Variants in SAMD5 observed in about 807,000 individuals in gnomAD.
The protein encoded by SAMD5 is sterile alpha motif domain-containing protein 5.
SAMD5 carries 13 observed loss-of-function variants against 11.3 expected under a neutral mutation model. That is an observed-to-expected ratio of 1.15 (90% CI 0.75 to 1.83). The LOEUF (loss-of-function observed/expected upper bound fraction) is 1.83, where lower values mean the gene tolerates loss of function less well. Ranked by LOEUF, SAMD5 falls within the 40% of genes most tolerant of loss-of-function variation. The probability of loss-of-function intolerance (pLI) is 0.00; values close to 1 mark genes in which losing one functional copy is unlikely to be tolerated. For missense variants in SAMD5, 255 were observed against 239.1 expected (o/e 1.07, Z -0.44); for synonymous variants, 129 against 111.3 (o/e 1.16, Z -1.00).
At chr6:147,668,889 A>G (rs930221538) in intron 1 of SAMD5, among the ~76,000 whole-genome samples, 5 of 152,214 alleles carry the variant, frequency 3.3e-5, no homozygotes, top group African/African-American at 1.2e-4. Flanking sequence ...TAAGTGTGCA[A>G]TAGCATTTTG....
the SAMD5 span, among the ~76,000 whole-genome samples, chr6:147,910,177 G>C: frequency 6.6e-6 from 1 of 152,000 alleles, no homozygotes; most frequent in Non-Finnish European, 1.5e-5. Flanking sequence ...TTTAGTGACA[G>C]ATATTCCCCT....
At chr6:147,697,184 A>T (rs1001482183) in intron 1 of SAMD5, among the ~76,000 whole-genome samples, 3 of 152,208 alleles carry the variant, frequency 2.0e-5, no homozygotes, top group African/African-American at 7.2e-5. Flanking sequence ...AATGACTGAG[A>T]TGACAACCAG....
chr6:147,518,317 CTT>C (rs1171468501), intron 1 of SAMD5, among the ~76,000 whole-genome samples: 4 of 152,128 alleles, frequency 2.6e-5, no homozygotes, highest in African/African-American at 9.7e-5. Flanking sequence ...CCTCCCCACT[CTT>C]GAGTGAATAA....
intron 1 of SAMD5, among the ~76,000 whole-genome samples, chr6:147,612,298 C>T (rs1319794320): frequency 6.6e-6 from 1 of 152,148 alleles, no homozygotes; most frequent in African/African-American, 2.4e-5. Context: ...TAAAGCATAA[C>T]CAGCCCAAAA....
chr6:147,688,123 C>G (rs1024076694), intron 1 of SAMD5, among the ~76,000 whole-genome samples: 2 of 151,628 alleles, frequency 1.3e-5, no homozygotes, highest in African/African-American at 4.8e-5. Context: ...CTCTTATTTC[C>G]TTTGTTTCTG....
the SAMD5 span, among the ~76,000 whole-genome samples, chr6:147,816,199 G>A: frequency 2.1e-5 from 3 of 143,742 alleles, no homozygotes. Flanking sequence ...ATAATCGCTT[G>A]AACCCAGGAG....
At chr6:147,833,709 T>G in the SAMD5 span, among the ~76,000 whole-genome samples, 1 of 152,232 alleles carries the variant, frequency 6.6e-6, no homozygotes, top group Non-Finnish European at 1.5e-5. Flanking sequence ...CATAATTTTT[T>G]CAATCAAGAA....
chr6:147,712,664 G>A (rs765949391), intron 1 of SAMD5, among the ~76,000 whole-genome samples: 1 of 152,094 alleles, frequency 6.6e-6, no homozygotes, highest in Non-Finnish European at 1.5e-5. Flanking sequence ...GAAAGGGAGG[G>A]ACATCTCCCT....
chr6:147,894,977 A>G, the SAMD5 span, among the ~76,000 whole-genome samples: 9 of 152,232 alleles, frequency 5.9e-5, no homozygotes, highest in African/African-American at 1.9e-4. Flanking sequence ...TGCTCAAGGC[A>G]AAGTGGAATT....
At chr6:147,830,646 C>G in the SAMD5 span, among the ~76,000 whole-genome samples, 1 of 152,120 alleles carries the variant, frequency 6.6e-6, no homozygotes, top group East Asian at 1.9e-4. Context: ...CTGCTTTCAT[C>G]TGCTCCTCTT....
chr6:147,859,638 A>G, the SAMD5 span, among the ~76,000 whole-genome samples: 1 of 152,242 alleles, frequency 6.6e-6, no homozygotes, highest in East Asian at 1.9e-4. Flanking sequence ...CTGTCCAACA[A>G]GAGAACCCAG....
At chr6:147,509,672 C>T (rs1397655837) in intron 1 of SAMD5, among the ~76,000 whole-genome samples, 1 of 152,174 alleles carries the variant, frequency 6.6e-6, no homozygotes. Flanking sequence ...GAATCGGACT[C>T]GCGCTGCTTC....
In SAMD5 at chr6:147,630,055, T is replaced by G. The variant is rs568460783; in HGVS notation, c.163-107262T>G. ...ACCTCCACCTCCCAGGTTCAAGCAA[T>G]TCTCCTTCCTCAGCCTCCCAAGTAG... On this transcript the variant is annotated intron_variant, in intron 1 of 1. Transcript: ENST00000566741. Among the ~76,000 whole-genome samples, 21 of 150,408 alleles carry G rather than the reference T, an allele frequency of 1.4e-4. No individual in the cohort carries two copies. The South Asian group carries it at 4.5e-3, about 33-fold the overall frequency.
the SAMD5 span, among the ~76,000 whole-genome samples, chr6:147,946,891 C>A: frequency 1.2e-4 from 19 of 152,250 alleles, 1 homozygote; most frequent in South Asian, 3.9e-3. Flanking sequence ...TCACAGTTAA[C>A]CTGAAATCAT....
At chr6:147,536,159 A>G (rs1379765783) in intron 1 of SAMD5, among the ~76,000 whole-genome samples, 1 of 151,904 alleles carries the variant, frequency 6.6e-6, no homozygotes, top group African/African-American at 2.4e-5. Context: ...GATTTTTTGT[A>G]TTTTTAGTGC....
chr6:147,690,071 C>A (rs1226794866), intron 1 of SAMD5, among the ~76,000 whole-genome samples: 1 of 151,960 alleles, frequency 6.6e-6, no homozygotes, highest in East Asian at 1.9e-4. Flanking sequence ...AAAAACAGTG[C>A]AATTTTGAAT....
chr6:147,804,119 T>A, the SAMD5 span, among the ~76,000 whole-genome samples: 1 of 150,894 alleles, frequency 6.6e-6, no homozygotes, highest in Non-Finnish European at 1.5e-5. Context: ...ATCTTTTTTT[T>A]TTTTTTTTTT....
At chr6:147,888,199 A>G in the SAMD5 span, among the ~76,000 whole-genome samples, 2 of 152,004 alleles carry the variant, frequency 1.3e-5, no homozygotes, top group African/African-American at 4.8e-5. Context: ...TGCTTTTGGC[A>G]TTTTGTCTAG....
chr6:147,600,031 C>T (rs2128448033), intron 1 of SAMD5, among the ~76,000 whole-genome samples: 1 of 152,208 alleles, frequency 6.6e-6, no homozygotes, highest in South Asian at 2.1e-4. Context: ...CCATCCCTCT[C>T]CTGCTGCCTG....
Sources: gnomAD v4.1 joint callset for allele counts (sites outside exome capture counted in the v4.1 genomes callset) on GRCh38, gnomAD v4.1.1 for gene constraint, MANE v1.5 for transcripts, NCBI Gene and HGNC (gene_info 2026-07-23, HGNC 2026-07-21) for gene names.